ZRANB3: variants seen among roughly 807,000 people sequenced by gnomAD.
ZRANB3 encodes the protein zinc finger RANBP2-type containing 3.
In ZRANB3, 125 loss-of-function variants were observed where a neutral mutation model predicts 133.8. The ratio of observed to expected loss-of-function variants is 0.93; its 90% CI spans 0.81 to 1.08. The LOEUF (loss-of-function observed/expected upper bound fraction) is 1.08, where lower values mean the gene tolerates loss of function less well. Among genes scored for constraint, ZRANB3 ranks in the 50% least tolerant of loss-of-function variants. The pLI is 0.00. For synonymous variants in ZRANB3, 387 were observed against 432.7 expected (o/e 0.89, Z 1.31); for missense variants, 1,229 against 1,275.5 (o/e 0.96, Z 0.56).
chr2:135,251,158 G>A (rs1679371881), intron 12 of ZRANB3, among the ~76,000 whole-genome samples: 5 of 152,200 alleles, frequency 3.3e-5, no homozygotes, highest in Admixed American at 3.3e-4. Flanking sequence ...AAATTTGACT[G>A]CCTCACTCGA....
At chr2:135,220,854 A>ATTTTTTTTTTTTTTT (rs199874707) in intron 15 of ZRANB3, among the ~76,000 whole-genome samples, 1 of 144,892 alleles carries the variant, frequency 6.9e-6, no homozygotes, top group African/African-American at 2.7e-5. Context: ...TGAACTAGGA[A>ATTTTTTTTTTTTTTT]TTTATTTTTT....
chr2:135,352,118 G>A (rs1451160251), intron 4 of ZRANB3, among the ~76,000 whole-genome samples: 2 of 151,932 alleles, frequency 1.3e-5, no homozygotes, highest in African/African-American at 4.8e-5. Context: ...GATCACCTGA[G>A]ATCAGGAGTT....
intron 2 of ZRANB3, among the ~76,000 whole-genome samples, chr2:135,438,907 G>A (rs1369039494): frequency 6.6e-6 from 1 of 152,110 alleles, no homozygotes; most frequent in African/African-American, 2.4e-5. Context: ...TGAAAACTCT[G>A]CAGGTGATTC....
chr2:135,381,162 C>T (rs1440445120), intron 3 of ZRANB3, among the ~76,000 whole-genome samples: 2 of 152,196 alleles, frequency 1.3e-5, no homozygotes, highest in African/African-American at 4.8e-5. Context: ...TAATACTGTG[C>T]TTTTCTGACC....
chr2:135,347,651 C>G lies in ZRANB3; in HGVS notation c.592-2016G>C, dbSNP rs536747732. Among the ~76,000 whole-genome samples the G allele has an allele frequency of 7.9e-4, 121 of 152,284 alleles. 1 individual carries two copies. The highest frequency in any genetic ancestry group is 2.6e-3 in the African/African-American group (107 of 41,560). ...GGTCATACAGTAACATTTTAAGTAA[C>G]TCCTAAATTTTTCTAAAGTGACTTC... On this transcript the variant is annotated intron_variant, in intron 5 of 20. Transcript: ENST00000264159.
At chr2:135,495,818 G>T (rs1559037551) in intron 2 of ZRANB3, among the ~76,000 whole-genome samples, 1 of 151,872 alleles carries the variant, frequency 6.6e-6, no homozygotes, top group Non-Finnish European at 1.5e-5. Context: ...AAAACACAGG[G>T]GTATTCAGTG....
rs910887531 is a variant in ZRANB3 at position 135,390,801 on chromosome 2, C to A, written c.180+1G>T. 5.2e-6 allele frequency: 8 copies of A among 1,530,698 alleles called. No homozygotes were observed. The highest frequency in any genetic ancestry group is 7.0e-6 in the Non-Finnish European group (8 of 1,137,350). The allele number at this position is 1,530,698 out of a possible 1,614,324, so 94.8% of individuals were successfully genotyped here. ...GACATAAAAACCATTGAAACACTTA[C>A]TTCATCAGCCACCATACACCTGGAA... On this transcript the variant is annotated splice_donor_variant, in intron 3 of 20. Transcript: ENST00000264159. LOFTEE classifies it high-confidence loss of function.
chr2:135,247,422 C>T (rs541967293), intron 12 of ZRANB3, among the ~76,000 whole-genome samples: 1 of 152,022 alleles, frequency 6.6e-6, no homozygotes, highest in Non-Finnish European at 1.5e-5. Context: ...TGACAATATC[C>T]ACTCTTAGGC....
At chr2:135,347,883 A>C (rs1685014929) in intron 5 of ZRANB3, among the ~76,000 whole-genome samples, 1 of 152,126 alleles carries the variant, frequency 6.6e-6, no homozygotes, top group Non-Finnish European at 1.5e-5. Context: ...TCAAATCAAT[A>C]ACCTAATTTT....
chr2:135,430,785 T>A (rs568030212), intron 2 of ZRANB3, among the ~76,000 whole-genome samples: 2 of 152,196 alleles, frequency 1.3e-5, no homozygotes, highest in Non-Finnish European at 2.9e-5. Context: ...TTTTTACAAA[T>A]GATTTTTGAG....
chr2:135,486,872 C>T (rs1692147720), intron 2 of ZRANB3, among the ~76,000 whole-genome samples: 1 of 152,202 alleles, frequency 6.6e-6, no homozygotes, highest in South Asian at 2.1e-4. Flanking sequence ...TCAACTTCTT[C>T]CAAATTCCTA....
chr2:135,291,399 T>C (rs1279341993), intron 8 of ZRANB3, among the ~76,000 whole-genome samples: 2 of 151,800 alleles, frequency 1.3e-5, no homozygotes, highest in Non-Finnish European at 2.9e-5. Flanking sequence ...GCCAGGCTGG[T>C]CTTGAACTCC....
intron 8 of ZRANB3, among the ~76,000 whole-genome samples, chr2:135,289,613 A>AT (rs112323913): frequency 1.6e-4 from 24 of 152,226 alleles, no homozygotes; most frequent in African/African-American, 4.3e-4. Context: ...ATACAATGTG[A>AT]TTTTTTTGGC....
chr2:135,329,230 T>G (rs184047578), intron 6 of ZRANB3, among the ~76,000 whole-genome samples: 1,570 of 152,326 alleles, frequency 0.01, 25 homozygotes, highest in African/African-American at 0.036. Context: ...TTGAATTAAT[T>G]TTTGTATAAG....
intron 2 of ZRANB3, among the ~76,000 whole-genome samples, chr2:135,454,004 C>T (rs1226225007): frequency 6.6e-6 from 1 of 152,190 alleles, no homozygotes; most frequent in Non-Finnish European, 1.5e-5. Flanking sequence ...ACTGGGGAGG[C>T]CTCAGAATTA....
chr2:135,219,349 T>G (rs754035284), intron 15 of ZRANB3, among the ~76,000 whole-genome samples, 171 bp from the exon 16 acceptor site: 31 of 152,344 alleles, frequency 2.0e-4, no homozygotes, highest in Admixed American at 3.3e-4. Flanking sequence ...GGAGAAACTG[T>G]GAGCCAAGAA....
At chr2:135,264,579 CG>C (rs1335658061) in intron 12 of ZRANB3, among the ~76,000 whole-genome samples, 1 of 151,182 alleles carries the variant, frequency 6.6e-6, no homozygotes, top group Admixed American at 6.6e-5. Context: ...GTTTTGGGAA[CG>C]GGGGGTCACA....
chr2:135,301,978 C>T (rs1476523364), intron 8 of ZRANB3, among the ~76,000 whole-genome samples: 1 of 152,152 alleles, frequency 6.6e-6, no homozygotes, highest in Non-Finnish European at 1.5e-5. Flanking sequence ...AGAAAAGAAG[C>T]ACCAACACTG....
intron 8 of ZRANB3, among the ~76,000 whole-genome samples, chr2:135,305,009 C>G (rs563857491): frequency 6.6e-6 from 1 of 152,186 alleles, no homozygotes; most frequent in East Asian, 1.9e-4. Flanking sequence ...TGGGGTCTCA[C>G]TATGTCGCCC....
Sources: gnomAD v4.1 joint callset for allele counts (sites outside exome capture counted in the v4.1 genomes callset) on GRCh38, gnomAD v4.1.1 for gene constraint, MANE v1.5 for transcripts, NCBI Gene and HGNC (gene_info 2026-07-23, HGNC 2026-07-21) for gene names.